The following SLC4A10 variants were observed in gnomAD, a reference collection of about 807,000 sequenced individuals.
SLC4A10 encodes the protein sodium-driven chloride bicarbonate exchanger.
A neutral mutation model predicts 137.7 loss-of-function variants in SLC4A10; 42 were observed. That is an observed-to-expected ratio of 0.30 (90% CI 0.24 to 0.39). The LOEUF (loss-of-function observed/expected upper bound fraction) is 0.39. Ranked by LOEUF, SLC4A10 falls within the 10% of genes least tolerant of loss-of-function variation. The pLI, the probability that SLC4A10 is intolerant of heterozygous loss-of-function variation, is 1.00. For missense variants in SLC4A10, 925 were observed against 1,355.0 expected (o/e 0.68, Z 4.98); for synonymous variants, 474 against 464.1 (o/e 1.02, Z -0.27).
chr2:161,638,857 G>T (rs1252826822), intron 1 of SLC4A10, among the ~76,000 whole-genome samples: 2 of 113,794 alleles, frequency 1.8e-5, no homozygotes, highest in African/African-American at 6.4e-5. Context: ...TTATTTATAG[G>T]TATTTCTTTT....
chr2:161,774,361 A>G (rs1214589382), intron 2 of SLC4A10, among the ~76,000 whole-genome samples: 1 of 151,974 alleles, frequency 6.6e-6, no homozygotes, highest in Non-Finnish European at 1.5e-5. Flanking sequence ...ACAACTTTTT[A>G]GTATAGGTAC....
chr2:161,702,645 A>G (rs542890124), intron 1 of SLC4A10, among the ~76,000 whole-genome samples: 3 of 151,958 alleles, frequency 2.0e-5, no homozygotes, highest in East Asian at 3.9e-4. Context: ...CTCTGGGAAA[A>G]TGACTCCCTC....
At chr2:161,764,030 C>CA (rs1054915546) in intron 1 of SLC4A10, among the ~76,000 whole-genome samples, 1 of 151,892 alleles carries the variant, frequency 6.6e-6, no homozygotes. Flanking sequence ...AATAAACTGG[C>CA]AAAAATATAA....
chr2:161,682,986 T>C (rs1044849226), intron 1 of SLC4A10, among the ~76,000 whole-genome samples: 1 of 151,982 alleles, frequency 6.6e-6, no homozygotes, highest in Non-Finnish European at 1.5e-5. Context: ...GAAATTTATA[T>C]ATAACATAAA....
chr2:161,976,669 A>G (rs115377349), intron 24 of SLC4A10, 91 bp from the exon 25 acceptor site: 24,615 of 571,578 alleles, frequency 0.043, 711 homozygotes, highest in South Asian at 0.08. Context: ...CTTCATAGAT[A>G]TATGATTGCC....
chr2:161,926,946 T>C (rs9710922), intron 15 of SLC4A10, among the ~76,000 whole-genome samples: 49,747 of 151,636 alleles, frequency 0.33, 8,444 homozygotes, highest in Admixed American at 0.41. Flanking sequence ...TCTGATGGGC[T>C]TCCCTTTGTG....
intron 2 of SLC4A10, among the ~76,000 whole-genome samples, chr2:161,773,847 T>C (rs1361938633): frequency 6.6e-6 from 1 of 151,908 alleles, no homozygotes; most frequent in Non-Finnish European, 1.5e-5. Context: ...CTTTTCCTCC[T>C]ATTAAAATAG....
At chr2:161,752,131 A>G (rs769253232) in intron 1 of SLC4A10, among the ~76,000 whole-genome samples, 44 of 152,022 alleles carry the variant, frequency 2.9e-4, no homozygotes, top group Admixed American at 5.9e-4. Context: ...TTCAAGAAAT[A>G]TTAGTTAATT....
intron 4 of SLC4A10, among the ~76,000 whole-genome samples, chr2:161,842,104 G>T (rs2059221123): frequency 6.6e-6 from 1 of 151,910 alleles, no homozygotes; most frequent in South Asian, 2.1e-4. Context: ...TAGACATTTA[G>T]GTTATTTATT....
Position 161,925,433 on chromosome 2 carries a change from C to A in SLC4A10, c.1998-17359C>A, listed in dbSNP as rs1301659330. 2.0e-5 allele frequency among the ~76,000 whole-genome samples: 3 copies of A among 151,872 alleles called. No homozygotes were observed. The East Asian group carries it at 5.8e-4, about 29-fold the overall frequency. ...CATTTTTTATTGTGTCTATTTGATT[C>A]ATCTCTCTTTTCTTCTTTATTAGTC... On this transcript the variant is annotated intron_variant, in intron 15 of 26. Coordinates refer to ENST00000446997, the MANE Select transcript of SLC4A10 (RefSeq NM_001178015.2).
chr2:161,829,550 T>C (rs2125730059), intron 3 of SLC4A10, among the ~76,000 whole-genome samples: 1 of 152,346 alleles, frequency 6.6e-6, no homozygotes, highest in Non-Finnish European at 1.5e-5. Context: ...TGAATCTCAA[T>C]ATAATTGAAC....
chr2:161,869,054 A>G (rs2125914711), intron 6 of SLC4A10, among the ~76,000 whole-genome samples: 1 of 151,862 alleles, frequency 6.6e-6, no homozygotes, highest in South Asian at 2.1e-4. Flanking sequence ...ATTACAGTAT[A>G]CAATTAGCAT....
chr2:161,636,937 G>C (rs1342819609), intron 1 of SLC4A10, among the ~76,000 whole-genome samples: 1 of 149,696 alleles, frequency 6.7e-6, no homozygotes, highest in Admixed American at 6.7e-5. Flanking sequence ...GGCTGGTCTT[G>C]AACTACTAGC....
intron 1 of SLC4A10, among the ~76,000 whole-genome samples, chr2:161,751,352 C>CTTTTTTT (rs71889107): frequency 2.7e-5 from 3 of 112,140 alleles, no homozygotes; most frequent in African/African-American, 3.2e-5. Flanking sequence ...TTGCATTTTG[C>CTTTTTTT]TTTTTTTTTT....
At chr2:161,783,706 G>A (rs1310688044) in intron 2 of SLC4A10, among the ~76,000 whole-genome samples, 19 of 151,568 alleles carry the variant, frequency 1.3e-4, no homozygotes, top group Non-Finnish European at 2.2e-4. Context: ...GGAAAAAATA[G>A]ACTGTCATTA....
At chr2:161,787,876 G>A (rs2053801074) in intron 2 of SLC4A10, among the ~76,000 whole-genome samples, 1 of 151,918 alleles carries the variant, frequency 6.6e-6, no homozygotes, top group South Asian at 2.1e-4. Flanking sequence ...CACTTCTTTA[G>A]AATCCGTATC....
At chr2:161,709,001 T>G (rs984068362) in intron 1 of SLC4A10, among the ~76,000 whole-genome samples, 1 of 151,466 alleles carries the variant, frequency 6.6e-6, no homozygotes, top group Non-Finnish European at 1.5e-5. Flanking sequence ...ATTAGAAATG[T>G]GTGTGTATGT....
chr2:161,853,903 TCTGA>T (rs1287498872), intron 4 of SLC4A10, among the ~76,000 whole-genome samples: 1 of 152,204 alleles, frequency 6.6e-6, no homozygotes. Flanking sequence ...CATTAATCAT[TCTGA>T]CTGTCTCTTT....
intron 1 of SLC4A10, among the ~76,000 whole-genome samples, chr2:161,639,361 T>C (rs916750856): frequency 6.6e-6 from 1 of 151,888 alleles, no homozygotes; most frequent in Admixed American, 6.6e-5. Flanking sequence ...GATGAACATA[T>C]ACATAAAAAT....
Sources: allele counts gnomAD v4.1 joint callset (sites outside exome capture counted in the v4.1 genomes callset), GRCh38; gene constraint gnomAD v4.1.1; transcripts MANE v1.5; gene names NCBI Gene and HGNC (gene_info 2026-07-23, HGNC 2026-07-21).